DNAH7: variants seen among roughly 807,000 people sequenced by gnomAD.
DNAH7 encodes axonemal beta dynein heavy chain 7.
In DNAH7, 397 loss-of-function variants were observed where a neutral mutation model predicts 444.6. The observed-to-expected ratio is 0.89, with a 90% confidence interval of 0.82 to 0.97. The LOEUF (loss-of-function observed/expected upper bound fraction) is 0.97. Among genes scored for constraint, DNAH7 ranks in the 50% least tolerant of loss-of-function variants. The pLI, the probability that DNAH7 is intolerant of heterozygous loss-of-function variation, is 0.00. For synonymous variants in DNAH7, 1,636 were observed against 1,624.4 expected, an observed-to-expected ratio of 1.01 and a Z score of -0.17; for missense variants, 4,902 against 4,800.8, an observed-to-expected ratio of 1.02 and a Z score of -0.62.
chr2:196,044,634 A>G (rs1696988756), intron 5 of DNAH7, among the ~76,000 whole-genome samples: 2 of 152,194 alleles, frequency 1.3e-5, no homozygotes, highest in Non-Finnish European at 2.9e-5. Context: ...TTTTCAATCT[A>G]TAATTTCCCA....
intron 10 of DNAH7, 137 bp from the exon 11 acceptor site, chr2:196,001,995 C>T (rs941774658): frequency 9.0e-5 from 51 of 568,784 alleles, no homozygotes; most frequent in Admixed American, 6.7e-4. Context: ...ACCCACTCTC[C>T]GAAATGTAAG....
At chr2:195,992,692 G>A (rs764870094) in intron 12 of DNAH7, among the ~76,000 whole-genome samples, 2 of 152,126 alleles carry the variant, frequency 1.3e-5, no homozygotes, top group Non-Finnish European at 2.9e-5. Flanking sequence ...TCCAAAAAAT[G>A]GATTGAAGGT....
chr2:195,778,697 T>TATATATACACATATATATACAC, intron 58 of DNAH7, among the ~76,000 whole-genome samples: 2 of 87,360 alleles, frequency 2.3e-5, no homozygotes, highest in Non-Finnish European at 4.2e-5. Flanking sequence ...TATACACATA[T>TATATATACACATATATATACAC]ATATATACAC....
chr2:195,877,903 T>C (rs1219431254), intron 36 of DNAH7, among the ~76,000 whole-genome samples: 1 of 152,210 alleles, frequency 6.6e-6, no homozygotes, highest in Non-Finnish European at 1.5e-5. Context: ...GATTGCCAGT[T>C]AGAATAGCAA....
In DNAH7 at chr2:195,754,062, G is replaced by T. The variant is rs569003864; in HGVS notation, c.11764+275C>A. Among the ~76,000 whole-genome samples the T allele has an allele frequency of 3.9e-5, 6 of 152,156 alleles. No homozygotes were observed. In the South Asian group the frequency reaches 1.2e-3, roughly 32 times the overall value. ...TCTAACTTACAAAATTTTGCAAAAA[G>T]TACAAAGGACATATATTCTTTATCC... On this transcript the variant is annotated intron_variant, in intron 63 of 64. Transcript: ENST00000312428.
intron 15 of DNAH7, among the ~76,000 whole-genome samples, chr2:195,977,696 T>C (rs1382999211): frequency 2.6e-5 from 4 of 152,044 alleles, no homozygotes; most frequent in African/African-American, 9.7e-5. Context: ...TCAACATATT[T>C]AATAATCAAA....
chr2:195,934,116 C>T (rs558235648), intron 21 of DNAH7, among the ~76,000 whole-genome samples: 31 of 152,002 alleles, frequency 2.0e-4, no homozygotes, highest in Admixed American at 1.8e-3. Flanking sequence ...CAGTATGTTT[C>T]ATGAAATGTG....
chr2:196,058,162 C>G, intron 1 of DNAH7, 46 bp from the exon 2 acceptor site: 1 of 1,492,712 alleles, frequency 6.7e-7, no homozygotes, highest in East Asian at 2.3e-5. Flanking sequence ...TCCGTTAATG[C>G]TAAAATTGAT....
intron 61 of DNAH7, among the ~76,000 whole-genome samples, chr2:195,757,080 G>A (rs942630320): frequency 7.2e-5 from 11 of 151,858 alleles, no homozygotes; most frequent in African/African-American, 2.7e-4. Flanking sequence ...CTCCTGTCTC[G>A]ACCTCCCGAA....
rs1228548239 is a variant in DNAH7, at chr2:195,778,618, G to GA, written c.10879-634dup. 8.8e-3 allele frequency among the ~76,000 whole-genome samples: 192 copies of GA among 21,744 alleles called. 22 individuals are homozygous for GA. Among genetic ancestry groups the GA allele is most frequent in the Admixed American group, 0.031 (41 of 1,322 alleles). The allele number at this position is 21,744 out of a possible 152,430, so 14.3% of individuals were successfully genotyped here. A position where few individuals can be genotyped will look rare whatever the true frequency, so the allele number is the denominator to read the frequency against. ...TGGGTGACAGAGCAAGACCCTGTCTGAAAAAAAAAAAAAATAAATAAATAA... is the reference window on the plus strand; with the variant it reads ...TGGGTGACAGAGCAAGACCCTGTCTGAAAAAAAAAAAAAAATAAATAAATAA... On this transcript the variant is annotated intron_variant, in intron 58 of 64. Transcript: ENST00000312428.
At chr2:195,755,222 T>C (rs1300947882) in intron 62 of DNAH7, among the ~76,000 whole-genome samples, 1 of 152,228 alleles carries the variant, frequency 6.6e-6, no homozygotes, top group African/African-American at 2.4e-5. Flanking sequence ...AGAATGTTGC[T>C]TTGGAAGTTT....
chr2:196,015,339 G>A (rs143998894), intron 9 of DNAH7, among the ~76,000 whole-genome samples: 6 of 151,690 alleles, frequency 4.0e-5, no homozygotes, highest in African/African-American at 9.7e-5. Context: ...TGTGCTGTAC[G>A]GTAAATCAAT....
At chr2:196,018,261 C>T (rs1695148235) in intron 9 of DNAH7, among the ~76,000 whole-genome samples, 1 of 151,976 alleles carries the variant, frequency 6.6e-6, no homozygotes, top group Admixed American at 6.6e-5. Flanking sequence ...CATTGATTGA[C>T]AAATAGTATA....
chr2:196,037,993 GA>G (rs1218150334), intron 5 of DNAH7, among the ~76,000 whole-genome samples: 7 of 152,006 alleles, frequency 4.6e-5, no homozygotes, highest in Non-Finnish European at 8.8e-5. Flanking sequence ...AACAGCACAA[GA>G]AAACTTGCTG....
chr2:195,984,709 A>T lies in DNAH7; in HGVS notation c.1756T>A (p.Leu586Ile). The T allele has an allele frequency of 6.2e-7, 1 of 1,613,770 alleles. No individual in the cohort carries two copies. The highest frequency in any genetic ancestry group is 8.5e-7 in the Non-Finnish European group (1 of 1,179,790). Residue 586 changes from leucine to isoleucine, a missense_variant and splice_region_variant, in exon 15 of 65, where the codon TTA becomes ATA. Physicochemically the swap from Leu to Ile is conservative, Grantham distance 5. Transcript: ENST00000312428. ...GCTATCCTCTCAAATTCATCGCATA[A>T]TCTGAAACACCAAGTAAAACCAATC... is the stretch of plus-strand genomic sequence containing the variant. ...FRDHQEVNTR[L>I]CDEFERIAEK...
At chr2:195,776,006 G>T (rs777161521) in intron 59 of DNAH7, 23 bp from the exon 60 acceptor site, 1 of 1,608,994 alleles carries the variant, frequency 6.2e-7, no homozygotes, top group South Asian at 1.1e-5. Flanking sequence ...ATAACAAGAA[G>T]TCAGGAGGTT....
At chr2:195,879,900 C>T (rs1460591356) in intron 36 of DNAH7, among the ~76,000 whole-genome samples, 2 of 152,120 alleles carry the variant, frequency 1.3e-5, no homozygotes, top group Admixed American at 1.3e-4. Context: ...AGACTCCTTC[C>T]TACCACTATC....
intron 19 of DNAH7, among the ~76,000 whole-genome samples, chr2:195,938,557 AT>A (rs1689214045): frequency 6.6e-6 from 1 of 152,178 alleles, no homozygotes; most frequent in Non-Finnish European, 1.5e-5. Flanking sequence ...AGTATTTGTT[AT>A]TCTCAACCAA....
intron 12 of DNAH7, among the ~76,000 whole-genome samples, chr2:195,997,691 ATT>A (rs1399717483): frequency 6.6e-6 from 1 of 152,124 alleles, no homozygotes; most frequent in Non-Finnish European, 1.5e-5. Flanking sequence ...AAAAAAGTGT[ATT>A]TTAGTTCACT....
Sources: allele counts gnomAD v4.1 joint callset (sites outside exome capture counted in the v4.1 genomes callset), GRCh38; gene constraint gnomAD v4.1.1; transcripts MANE v1.5; gene names NCBI Gene and HGNC (gene_info 2026-07-23, HGNC 2026-07-21).